The following CLEC2A variants were observed in gnomAD, a reference collection of about 807,000 sequenced individuals.
CLEC2A encodes the protein C-type lectin domain family 2 member A, also known as keratinocyte-associated C-type lectin.
In CLEC2A, 19 loss-of-function variants were observed where a neutral mutation model predicts 18.6. That is an observed-to-expected ratio of 1.02 (90% CI 0.71 to 1.50). CLEC2A has a LOEUF of 1.50. Ranked by LOEUF, CLEC2A falls within the 40% of genes most tolerant of loss-of-function variation. The pLI is 0.00. For missense variants in CLEC2A, 190 were observed against 207.9 expected (o/e 0.91, Z 0.53); for synonymous variants, 74 against 64.0 (o/e 1.16, Z -0.75).
the CLEC2A span, among the ~76,000 whole-genome samples, chr12:9,889,670 G>GTA: frequency 1.3e-5 from 2 of 149,528 alleles, no homozygotes; most frequent in Non-Finnish European, 3.0e-5. Flanking sequence ...GTATATATAT[G>GTA]TATATATATA....
the CLEC2A span, among the ~76,000 whole-genome samples, chr12:9,878,545 T>C: frequency 6.6e-6 from 1 of 152,204 alleles, no homozygotes; most frequent in African/African-American, 2.4e-5. Context: ...AATAAATCTA[T>C]AGTTTGGGAA....
At chr12:9,886,059 T>C in the CLEC2A span, among the ~76,000 whole-genome samples, 1 of 152,082 alleles carries the variant, frequency 6.6e-6, no homozygotes, top group East Asian at 1.9e-4. Flanking sequence ...ATATAAATGG[T>C]AAAATGACAT....
At chr12:9,884,601 T>TTA in the CLEC2A span, among the ~76,000 whole-genome samples, 1 of 148,580 alleles carries the variant, frequency 6.7e-6, no homozygotes, top group Non-Finnish European at 1.5e-5. Flanking sequence ...TTGTATATAT[T>TTA]TATATTTTAT....
downstream of CLEC2A, chr12:9,895,726 G>A (rs1193785434): frequency 2.6e-6 from 4 of 1,535,668 alleles, no homozygotes; most frequent in African/African-American, 1.4e-5. Flanking sequence ...CAGGAGCTGT[G>A]CCGTTATCAC....
chr12:9,893,296 A>G, the CLEC2A span: 1,328 of 895,542 alleles, frequency 1.5e-3, 15 homozygotes, highest in African/African-American at 0.02. Context: ...TGTAGTCACT[A>G]TTGTTCATGA....
intron 4 of CLEC2A, among the ~76,000 whole-genome samples, chr12:9,899,554 G>A (rs574591820): frequency 2.6e-5 from 4 of 152,350 alleles, no homozygotes; most frequent in African/African-American, 7.2e-5. Context: ...GTGAGGGAGA[G>A]AGGGAAGAGC....
downstream of CLEC2A, among the ~76,000 whole-genome samples, chr12:9,911,046 G>C (rs1354107697): frequency 1.3e-5 from 2 of 152,216 alleles, no homozygotes; most frequent in Non-Finnish European, 2.9e-5. Flanking sequence ...AGGAGGGTAA[G>C]AGTTTTTATT....
the CLEC2A span, chr12:9,881,655 G>A: frequency 1.3e-6 from 2 of 1,534,746 alleles, no homozygotes; most frequent in East Asian, 2.4e-5. Context: ...AATCGAAGCA[G>A]AAATCTAAAG....
the CLEC2A span, chr12:9,893,292 C>A: frequency 2.2e-6 from 2 of 897,966 alleles, no homozygotes; most frequent in Non-Finnish European, 1.6e-6. Flanking sequence ...ACAATGTAGT[C>A]ACTATTGTTC....
At chr12:9,883,727 A>C in the CLEC2A span, among the ~76,000 whole-genome samples, 3 of 152,202 alleles carry the variant, frequency 2.0e-5, no homozygotes, top group Non-Finnish European at 4.4e-5. Flanking sequence ...TGGACTTAGT[A>C]ATACAGACAA....
intron 4 of CLEC2A, chr12:9,899,009 G>A: frequency 1.4e-6 from 1 of 706,344 alleles, no homozygotes; most frequent in East Asian, 2.7e-5. Flanking sequence ...CGGATTATTA[G>A]AAAACATATA....
downstream of CLEC2A, among the ~76,000 whole-genome samples, chr12:9,896,985 G>A (rs1398272513): frequency 6.6e-6 from 1 of 151,152 alleles, no homozygotes; most frequent in Non-Finnish European, 1.5e-5. Flanking sequence ...TCAGCCTCTT[G>A]AGTAGCTGGG....
intron 3 of CLEC2A, among the ~76,000 whole-genome samples, chr12:9,918,319 C>T (rs1401096455): frequency 2.6e-5 from 4 of 152,150 alleles, no homozygotes; most frequent in African/African-American, 9.7e-5. Context: ...TTGCATATGG[C>T]TAGCCAGTTA....
At chr12:9,901,865 C>T (rs749960118) in intron 4 of CLEC2A, among the ~76,000 whole-genome samples, 1 of 148,910 alleles carries the variant, frequency 6.7e-6, no homozygotes, top group Non-Finnish European at 1.5e-5. Context: ...CATAGGAAAA[C>T]CTTGTTATGA....
At chr12:9,927,454 A>G (rs1002095126) in intron 1 of CLEC2A, among the ~76,000 whole-genome samples, 4 of 151,740 alleles carry the variant, frequency 2.6e-5, no homozygotes, top group Non-Finnish European at 4.4e-5. Flanking sequence ...GCATATATGC[A>G]TAAACACAGA....
At chr12:9,915,428 A>G (rs1179944434) in intron 4 of CLEC2A, among the ~76,000 whole-genome samples, 1 of 152,226 alleles carries the variant, frequency 6.6e-6, no homozygotes, top group Non-Finnish European at 1.5e-5. Flanking sequence ...AACTATTTAC[A>G]ATAGCAAAAA....
In CLEC2A at chr12:9,922,048, A is replaced by G; in HGVS notation, c.306+18T>C. 6.6e-7 allele frequency: 1 copy of G among 1,512,988 alleles called. No individual in the cohort carries two copies. Among genetic ancestry groups the G allele is most frequent in the Non-Finnish European group, 8.9e-7 (1 of 1,127,744 alleles). 93.7% of individuals were successfully genotyped at this position (1,512,988 alleles called of 1,614,324 possible). A position where few individuals can be genotyped will look rare whatever the true frequency, so the allele number is the denominator to read the frequency against. ...CAAACAATCTCTGAAATTACTGAAGACTTTTCTGTTTTCTTACCATGTCTT... is the reference window on the plus strand; with the variant it reads ...CAAACAATCTCTGAAATTACTGAAGGCTTTTCTGTTTTCTTACCATGTCTT... On this transcript the variant is annotated intron_variant, in intron 3 of 4. Coordinates refer to ENST00000455827, the MANE Select transcript of CLEC2A (RefSeq NM_001130711.2).
Position 9,927,577 on chromosome 12 carries a change from A to C in CLEC2A, c.56-1234T>G, listed in dbSNP as rs745888985. ...ATCAGAAAAGAGGACTTGAAGAAAGAAAAATTTAAAAAGAAGTCATGTTTT... is the reference window on the plus strand; with the variant it reads ...ATCAGAAAAGAGGACTTGAAGAAAGCAAAATTTAAAAAGAAGTCATGTTTT... On this transcript the variant is annotated intron_variant, in intron 1 of 4. Coordinates refer to ENST00000455827, the MANE Select transcript of CLEC2A (RefSeq NM_001130711.2). Among the ~76,000 whole-genome samples the C allele has an allele frequency of 1.0e-3, 158 of 152,302 alleles. 1 individual carries two copies. Among genetic ancestry groups the C allele is most frequent in the East Asian group, 9.6e-4 (5 of 5,190 alleles).
chr12:9,927,352 C>A (rs1863291471), intron 1 of CLEC2A, among the ~76,000 whole-genome samples: 1 of 152,116 alleles, frequency 6.6e-6, no homozygotes, highest in Admixed American at 6.6e-5. Context: ...TACAAGGCAG[C>A]TTCATTGTAA....
Sources: gnomAD v4.1 joint callset for allele counts (sites outside exome capture counted in the v4.1 genomes callset) on GRCh38, gnomAD v4.1.1 for gene constraint, MANE v1.5 for transcripts, NCBI Gene and HGNC (gene_info 2026-07-23, HGNC 2026-07-21) for gene names.